The following ARHGAP29 variants were observed in gnomAD, a reference collection of about 807,000 sequenced individuals.
The protein encoded by ARHGAP29 is Rho GTPase activating protein 29.
ARHGAP29 carries 43 observed loss-of-function variants against 122.6 expected under a neutral mutation model. The ratio of observed to expected loss-of-function variants is 0.35; its 90% CI spans 0.27 to 0.45. The LOEUF (loss-of-function observed/expected upper bound fraction) is 0.45, where lower values mean the gene tolerates loss of function less well. Ranked by LOEUF, ARHGAP29 falls within the 20% of genes least tolerant of loss-of-function variation. The pLI is 1.00. For missense variants in ARHGAP29, 1,303 were observed against 1,477.2 expected, an observed-to-expected ratio of 0.88 and a Z score of 1.93; for synonymous variants, 506 against 497.1, an observed-to-expected ratio of 1.02 and a Z score of -0.24.
upstream of ARHGAP29, among the ~76,000 whole-genome samples, chr1:94,238,663 A>G (rs1226910346): frequency 6.6e-6 from 1 of 152,188 alleles, no homozygotes; most frequent in Non-Finnish European, 1.5e-5. Context: ...TGCTGAGGAA[A>G]ACTGGAAAGA....
chr1:94,232,648 A>G (rs147720072), intron 1 of ARHGAP29, among the ~76,000 whole-genome samples: 52 of 152,334 alleles, frequency 3.4e-4, no homozygotes, highest in Non-Finnish European at 5.9e-4. Context: ...GGATCACAAA[A>G]TTAGAAGACT....
chr1:94,216,820 C>G (rs923112816), intron 3 of ARHGAP29, among the ~76,000 whole-genome samples: 3 of 151,926 alleles, frequency 2.0e-5, no homozygotes, highest in African/African-American at 7.3e-5. Context: ...TCTGAAGATA[C>G]CTTTATCTCC....
the ARHGAP29 span, among the ~76,000 whole-genome samples, chr1:94,286,955 C>CATTACGACACTATCAACCTGG: frequency 6.6e-6 from 1 of 152,132 alleles, no homozygotes; most frequent in East Asian, 1.9e-4. Flanking sequence ...CTGGAGATAG[C>CATTACGACACTATCAACCTGG]ATTACGACAC....
intron 1 of ARHGAP29, among the ~76,000 whole-genome samples, chr1:94,269,127 T>C (rs372742655): frequency 2.0e-5 from 3 of 152,194 alleles, no homozygotes; most frequent in Admixed American, 6.5e-5. Context: ...TAATGAGTTC[T>C]CTAGGATTTC....
At chr1:94,214,725 T>C (rs1651851083) in intron 3 of ARHGAP29, among the ~76,000 whole-genome samples, 1 of 152,154 alleles carries the variant, frequency 6.6e-6, no homozygotes, top group Admixed American at 6.5e-5. Context: ...ATTGTCTCCC[T>C]TGGGTTCCCT....
At chr1:94,298,137 A>G in the ARHGAP29 span, among the ~76,000 whole-genome samples, 1 of 152,206 alleles carries the variant, frequency 6.6e-6, no homozygotes, top group Non-Finnish European at 1.5e-5. Context: ...AGATTGTGAC[A>G]GTGTACCATC....
intron 1 of ARHGAP29, among the ~76,000 whole-genome samples, chr1:94,243,056 G>A (rs1653660282): frequency 6.6e-6 from 1 of 152,072 alleles, no homozygotes; most frequent in Admixed American, 6.5e-5. Flanking sequence ...GAAAAAAACT[G>A]AGAGAAATGT....
At chr1:94,227,680 G>C (rs1010273949) in intron 2 of ARHGAP29, among the ~76,000 whole-genome samples, 2 of 151,710 alleles carry the variant, frequency 1.3e-5, no homozygotes, top group Non-Finnish European at 3.0e-5. Context: ...TGAAAATGGG[G>C]AGGTATGTCA....
chr1:94,281,413 G>A, the ARHGAP29 span, among the ~76,000 whole-genome samples: 3 of 152,184 alleles, frequency 2.0e-5, no homozygotes, highest in African/African-American at 7.2e-5. Flanking sequence ...GGCAGGAGGT[G>A]TGCTAGAGGC....
upstream of ARHGAP29, among the ~76,000 whole-genome samples, chr1:94,240,733 T>C (rs1299383277): frequency 1.3e-5 from 2 of 152,226 alleles, no homozygotes; most frequent in East Asian, 3.8e-4. Context: ...TCACATCCTC[T>C]ATGACACTGT....
chr1:94,240,638 C>T (rs1318041499), upstream of ARHGAP29, among the ~76,000 whole-genome samples: 1 of 152,156 alleles, frequency 6.6e-6, no homozygotes, highest in Non-Finnish European at 1.5e-5. Flanking sequence ...TTTCTGGAAG[C>T]AACATATAAT....
At chr1:94,279,821 G>T (rs1353117244), upstream of ARHGAP29, among the ~76,000 whole-genome samples, 1 of 152,168 alleles carries the variant, frequency 6.6e-6, no homozygotes, top group Non-Finnish European at 1.5e-5. Context: ...TTCCCTCAAA[G>T]TCTTTCTATT....
the ARHGAP29 span, among the ~76,000 whole-genome samples, chr1:94,310,592 T>C: frequency 6.6e-6 from 1 of 152,342 alleles, no homozygotes; most frequent in African/African-American, 2.4e-5. Flanking sequence ...CACAATCCTT[T>C]TAAAACCTCT....
chr1:94,201,898 A>T, intron 11 of ARHGAP29, 41 bp from the exon 12 acceptor site: 1 of 1,481,540 alleles, frequency 6.7e-7, no homozygotes, highest in Non-Finnish European at 9.0e-7. Context: ...ACTAGAATTT[A>T]TATTTTAAAC....
chr1:94,183,678 C>T (rs536718799), intron 19 of ARHGAP29, among the ~76,000 whole-genome samples: 2 of 152,264 alleles, frequency 1.3e-5, no homozygotes, highest in East Asian at 3.9e-4. Flanking sequence ...GCAAAGCCAG[C>T]CTATGATCCA....
At chr1:94,202,133 T>C in intron 11 of ARHGAP29, 2 of 435,112 alleles carry the variant, frequency 4.6e-6, no homozygotes, top group Non-Finnish European at 8.0e-6. Context: ...CATATAATCT[T>C]ACAGAATTTG....
chr1:94,289,568 T>TGC, the ARHGAP29 span, among the ~76,000 whole-genome samples: 4 of 152,138 alleles, frequency 2.6e-5, no homozygotes, highest in Non-Finnish European at 5.9e-5. Flanking sequence ...TTGTCTGCTG[T>TGC]CGGTTTTCAA....
Position 94,201,768 on chromosome 1 carries a change from T to C in ARHGAP29, c.1233A>G (p.Leu411=). 8 of 1,613,986 alleles carry C rather than the reference T, an allele frequency of 5.0e-6. No individual in the cohort carries two copies. The highest frequency in any genetic ancestry group is 2.2e-5 in the East Asian group (1 of 44,866). ...NDLENTKREI[L]AQLRTLVFQC... is the part of the protein sequence containing the mutation. ...GGAAAACAAGTGTCCGGAGTTGTGC[T>C]AAAATTTCTCTTTTGGTATTTTCTA... Residue 411 remains leucine (L), a synonymous_variant, in exon 12 of 23, where the codon TTA becomes TTG. Transcript: ENST00000260526.
At chr1:94,241,688 T>C (rs1356352376), upstream of ARHGAP29, among the ~76,000 whole-genome samples, 2 of 116,588 alleles carry the variant, frequency 1.7e-5, no homozygotes, top group African/African-American at 3.2e-5. Context: ...ATATATAATT[T>C]ATATATGTAA....
Sources: allele counts gnomAD v4.1 joint callset (sites outside exome capture counted in the v4.1 genomes callset), GRCh38; gene constraint gnomAD v4.1.1; transcripts MANE v1.5; gene names NCBI Gene and HGNC (gene_info 2026-07-23, HGNC 2026-07-21).